Variants in ACER3 observed in about 807,000 individuals in gnomAD.
ACER3 encodes alkCDase 3.
ACER3 carries 16 observed loss-of-function variants against 48.9 expected under a neutral mutation model. The observed-to-expected ratio is 0.33, with a 90% CI of 0.22 to 0.50. ACER3 has a LOEUF of 0.50. Among genes scored for constraint, ACER3 ranks in the 20% least tolerant of loss-of-function variants. The pLI is 0.98. For synonymous variants in ACER3, 109 were observed against 107.8 expected, an observed-to-expected ratio of 1.01 and a Z score of -0.07; for missense variants, 227 against 326.0, an observed-to-expected ratio of 0.70 and a Z score of 2.34.
chr11:76,978,129 C>A lies in ACER3; in HGVS notation c.320+1788C>A, dbSNP rs151313166. Among the ~76,000 whole-genome samples, 19 of 152,318 alleles carry A rather than the reference C, an allele frequency of 1.2e-4. No individual in the cohort carries two copies. The East Asian group carries it at 3.7e-3, about 29-fold the overall frequency. ...GCAAGAACAGCCTGGGCACCATGGG[C>A]CATACATTGATGGTGGCAGGAGGCA... is the stretch of plus-strand genomic sequence containing the variant. On this transcript the variant is annotated intron_variant, in intron 4 of 10. Coordinates refer to ENST00000532485, the MANE Select transcript of ACER3 (RefSeq NM_018367.7).
chr11:76,969,926 C>T (rs1317700619), intron 3 of ACER3, among the ~76,000 whole-genome samples: 2 of 149,428 alleles, frequency 1.3e-5, no homozygotes, highest in East Asian at 2.0e-4. Flanking sequence ...GCACATGTAC[C>T]CTAAAACTTA....
At chr11:76,896,591 C>T (rs548797792) in intron 1 of ACER3, among the ~76,000 whole-genome samples, 1 of 152,262 alleles carries the variant, frequency 6.6e-6, no homozygotes, top group South Asian at 2.1e-4. Context: ...ATTATGGGAA[C>T]TTTGCTAAAG....
intron 3 of ACER3, among the ~76,000 whole-genome samples, chr11:76,960,881 G>A (rs1294284976): frequency 6.6e-6 from 1 of 152,194 alleles, no homozygotes; most frequent in Non-Finnish European, 1.5e-5. Context: ...TTGACATGCG[G>A]TTGGAATCTG....
At chr11:77,016,095 A>T (rs1367457998) in intron 8 of ACER3, among the ~76,000 whole-genome samples, 1 of 138,310 alleles carries the variant, frequency 7.2e-6, no homozygotes, top group Non-Finnish European at 1.5e-5. Flanking sequence ...CGACAGAGCA[A>T]GACTCCGTCT....
intron 2 of ACER3, among the ~76,000 whole-genome samples, chr11:76,928,397 C>T (rs998849635): frequency 1.3e-5 from 2 of 152,062 alleles, no homozygotes; most frequent in Non-Finnish European, 2.9e-5. Context: ...AAAATTTTCT[C>T]CCATTCTGTA....
chr11:76,897,709 T>G (rs1945969389), intron 1 of ACER3, among the ~76,000 whole-genome samples: 1 of 147,090 alleles, frequency 6.8e-6, no homozygotes, highest in Admixed American at 6.6e-5. Flanking sequence ...TATTTGTTCT[T>G]TTTTTTTGAA....
chr11:76,863,755 A>G (rs1043194908), intron 1 of ACER3, among the ~76,000 whole-genome samples: 2 of 152,160 alleles, frequency 1.3e-5, no homozygotes, highest in African/African-American at 2.4e-5. Context: ...ATCTCTTTTG[A>G]TCTTTACAGT....
At chr11:77,015,682 C>A (rs1229334152) in intron 8 of ACER3, among the ~76,000 whole-genome samples, 1 of 152,108 alleles carries the variant, frequency 6.6e-6, no homozygotes, top group Non-Finnish European at 1.5e-5. Context: ...AACTCTAAAT[C>A]CTGTGAACTA....
At chr11:76,941,478 T>A (rs1338184725) in intron 2 of ACER3, among the ~76,000 whole-genome samples, 1 of 152,006 alleles carries the variant, frequency 6.6e-6, no homozygotes, top group Admixed American at 6.6e-5. Context: ...TAATTTTAAT[T>A]TTTTATTTTT....
intron 6 of ACER3, among the ~76,000 whole-genome samples, chr11:76,993,467 T>A (rs1349932239): frequency 1.3e-5 from 2 of 152,186 alleles, no homozygotes; most frequent in Admixed American, 1.3e-4. Context: ...TAAAAATTAA[T>A]TGCAGTATAT....
intron 6 of ACER3, among the ~76,000 whole-genome samples, chr11:76,991,774 C>T (rs1948807564): frequency 7.1e-6 from 1 of 140,468 alleles, no homozygotes; most frequent in African/African-American, 2.6e-5. Flanking sequence ...CGGGATTGCA[C>T]CACTGCACTC....
rs188302124 is a variant in ACER3 at position 76,960,674 on chromosome 11, G to A, written c.267+1643G>A. On this transcript the variant is annotated intron_variant, in intron 3 of 10. Transcript: ENST00000532485. ...TCCATCACAGAACTCTGGGACCTCAGCCAGTTAAAGAGAGTGTCAACATAG... is the reference window on the plus strand; with the variant it reads ...TCCATCACAGAACTCTGGGACCTCAACCAGTTAAAGAGAGTGTCAACATAG... Among the ~76,000 whole-genome samples, 255 of 152,236 alleles carry A rather than the reference G, an allele frequency of 1.7e-3. 3 individuals are homozygous for A. The highest frequency in any genetic ancestry group is 5.8e-3 in the African/African-American group (240 of 41,542).
chr11:76,930,345 T>G (rs940029021), intron 2 of ACER3, among the ~76,000 whole-genome samples: 3 of 152,212 alleles, frequency 2.0e-5, no homozygotes, highest in African/African-American at 7.2e-5. Flanking sequence ...ATCTATTTGA[T>G]TCTTCTCTCT....
At chr11:76,908,611 T>C (rs1818255577) in intron 1 of ACER3, among the ~76,000 whole-genome samples, 1 of 152,098 alleles carries the variant, frequency 6.6e-6, no homozygotes, top group Admixed American at 6.5e-5. Context: ...CACAAACAAA[T>C]GGAAAAACAT....
Position 76,933,122 on chromosome 11 carries a change from A to G in ACER3, c.214+6455A>G, listed in dbSNP as rs1302826674. Among the ~76,000 whole-genome samples the G allele has an allele frequency of 1.3e-5, 2 of 148,190 alleles. 1 individual carries two copies. The highest frequency in any genetic ancestry group is 4.0e-4 in the East Asian group (2 of 4,942). ...TCCTACCTAAAACAAAGAATTACAA[A>G]ACACATCAACCTCTTCTCCCTTCAC... is the stretch of plus-strand genomic sequence containing the variant. On this transcript the variant is annotated intron_variant, in intron 2 of 10. Coordinates refer to ENST00000532485, the MANE Select transcript of ACER3 (RefSeq NM_018367.7).
At chr11:76,926,102 TAA>T (rs1946823246) in intron 1 of ACER3, among the ~76,000 whole-genome samples, 1 of 152,222 alleles carries the variant, frequency 6.6e-6, no homozygotes, top group Non-Finnish European at 1.5e-5. Flanking sequence ...AATGAAATGT[TAA>T]AGAGACACAC....
chr11:76,965,573 C>G (rs1948116764), intron 3 of ACER3, among the ~76,000 whole-genome samples: 1 of 151,314 alleles, frequency 6.6e-6, no homozygotes, highest in Non-Finnish European at 1.5e-5. Context: ...GTAGGGTTAC[C>G]CACAAAGGGA....
intron 1 of ACER3, among the ~76,000 whole-genome samples, chr11:76,924,134 G>A (rs1187085933): frequency 6.6e-6 from 1 of 151,978 alleles, no homozygotes; most frequent in Admixed American, 6.6e-5. Flanking sequence ...AGGCAGTAAG[G>A]TAGGGGCAAT....
chr11:76,871,859 G>T lies in ACER3; in HGVS notation c.103+10780G>T, dbSNP rs564437757. Among the ~76,000 whole-genome samples the T allele has an allele frequency of 5.3e-4, 80 of 152,228 alleles. No homozygotes were observed. The South Asian group carries it at 0.016, about 31-fold the overall frequency. On this transcript the variant is annotated intron_variant, in intron 1 of 10. Coordinates refer to ENST00000532485, the MANE Select transcript of ACER3 (RefSeq NM_018367.7). ...GTAAAGTACTTTGATTTGTTTCAGG[G>T]CCTTGCTATTTATCATGTGATGGTA...
Sources: gnomAD v4.1 joint callset for allele counts (sites outside exome capture counted in the v4.1 genomes callset) on GRCh38, gnomAD v4.1.1 for gene constraint, MANE v1.5 for transcripts, NCBI Gene and HGNC (gene_info 2026-07-23, HGNC 2026-07-21) for gene names.